Variants in TMC5 observed in about 807,000 individuals in gnomAD.
TMC5 encodes transmembrane channel like 5, also known as transmembrane channel-like protein 5.
A neutral mutation model predicts 110.5 loss-of-function variants in TMC5; 86 were observed. The observed-to-expected ratio is 0.78, with a 90% CI of 0.65 to 0.93. TMC5 has a LOEUF of 0.93. Among genes scored for constraint, TMC5 ranks in the 40% least tolerant of loss-of-function variants. The pLI is 0.00. For synonymous variants in TMC5, 455 were observed against 439.5 expected (o/e 1.04, Z -0.44); for missense variants, 1,144 against 1,222.8 (o/e 0.94, Z 0.96).
chr16:19,448,041 A>C (rs547524845), intron 4 of TMC5, among the ~76,000 whole-genome samples: 1 of 151,288 alleles, frequency 6.6e-6, no homozygotes, highest in Non-Finnish European at 1.5e-5. Context: ...CATTTCTCCC[A>C]GCTAATTGGG....
intron 20 of TMC5, among the ~76,000 whole-genome samples, chr16:19,495,802 G>A (rs144897655): frequency 3.3e-5 from 5 of 151,822 alleles, no homozygotes; most frequent in East Asian, 3.9e-4. Context: ...TCCCATCACC[G>A]CACTCCAGCT....
At chr16:19,439,928 AT>A in intron 2 of TMC5, 31 bp from the exon 3 acceptor site, 3 of 964,084 alleles carry the variant, frequency 3.1e-6, no homozygotes, top group Non-Finnish European at 4.7e-6. Flanking sequence ...AGGGAAAAAA[AT>A]CTGACTTTTT....
intron 19 of TMC5, among the ~76,000 whole-genome samples, chr16:19,493,251 G>A (rs1043815380): frequency 6.6e-6 from 1 of 151,574 alleles, no homozygotes; most frequent in Non-Finnish European, 1.5e-5. Flanking sequence ...GTGAGCCATC[G>A]CCCCCAGCTG....
At chr16:19,419,861 C>G (rs1051885058) in intron 1 of TMC5, among the ~76,000 whole-genome samples, 3 of 152,092 alleles carry the variant, frequency 2.0e-5, no homozygotes, top group African/African-American at 7.2e-5. Flanking sequence ...TTCGGGATGA[C>G]GTGGCAGGAG....
chr16:19,420,513 T>G (rs936192367), intron 1 of TMC5, among the ~76,000 whole-genome samples: 5 of 152,024 alleles, frequency 3.3e-5, no homozygotes, highest in Middle Eastern at 3.4e-3. Context: ...CAGGCTGGAG[T>G]GCAGTGGCAT....
In TMC5 at chr16:19,492,136, TTCTCC is replaced by T. The variant is rs1261623006; in HGVS notation, c.2748-10_2748-6del. The T allele has an allele frequency of 6.2e-7, 1 of 1,601,300 alleles. No homozygotes were observed. The highest frequency in any genetic ancestry group is 1.7e-5 in the Admixed American group (1 of 59,774). Reference sequence around the variant, plus strand: ...ATTTGCAAGAGTGTCATTCTTTCTTTTCTCCTCTTCCAGAATCATCACCTATCTTT... The same window carrying T: ...ATTTGCAAGAGTGTCATTCTTTCTTTTCTTCCAGAATCATCACCTATCTTT... On this transcript the variant is annotated splice_polypyrimidine_tract_variant and intron_variant, in intron 18 of 21. Transcript: ENST00000542583.
At chr16:19,457,049 G>A (rs1321094086) in intron 5 of TMC5, 2 of 1,557,460 alleles carry the variant, frequency 1.3e-6, no homozygotes, top group African/African-American at 1.4e-5. Context: ...AAGTAGGGGA[G>A]TAGGAAAAAA....
chr16:19,424,982 T>C (rs1412990319), intron 1 of TMC5, among the ~76,000 whole-genome samples: 3 of 152,170 alleles, frequency 2.0e-5, no homozygotes, highest in East Asian at 1.9e-4. Context: ...AGCTGCCTCA[T>C]TGGAACAAAA....
intron 3 of TMC5, among the ~76,000 whole-genome samples, chr16:19,441,394 A>G (rs1967488055): frequency 6.6e-6 from 1 of 151,460 alleles, no homozygotes; most frequent in South Asian, 2.1e-4. Context: ...ATCATAGCTC[A>G]CCACAGCCTC....
chr16:19,475,419 C>G (rs1968463106), intron 12 of TMC5, among the ~76,000 whole-genome samples: 1 of 149,266 alleles, frequency 6.7e-6, no homozygotes, highest in Non-Finnish European at 1.5e-5. Flanking sequence ...GAGACTCCAT[C>G]TCAGAAAAAA....
rs566464061 is a variant in TMC5, at chr16:19,456,914, C to T, written c.1049-3321C>T. 8.1e-6 allele frequency: 13 copies of T among 1,614,208 alleles called. No homozygotes were observed. In the East Asian group the frequency reaches 2.7e-4, roughly 33 times the overall value. On this transcript the variant is annotated intron_variant, in intron 5 of 21. Transcript: ENST00000542583. ...GAATGACCAAAAGGGTAACCAGGTG[C>T]TGCGGTTTTCAACATCTTTGAATGA...
chr16:19,456,916 G>A, intron 5 of TMC5: 1 of 1,614,216 alleles, frequency 6.2e-7, no homozygotes, highest in Non-Finnish European at 8.5e-7. Context: ...ACCAGGTGCT[G>A]CGGTTTTCAA....
rs1966940294 is a variant in TMC5 at position 19,419,648 on chromosome 16, G to C, written c.-308+1556G>C. On this transcript the variant is annotated intron_variant, in intron 1 of 21. Transcript: ENST00000542583. Reference sequence around the variant, plus strand: ...AGGATGGTCTGAATCTCCTGACCTCGTGATCCATCCGCCTCGGCCTCCCAA... The same window carrying C: ...AGGATGGTCTGAATCTCCTGACCTCCTGATCCATCCGCCTCGGCCTCCCAA... 2.6e-5 allele frequency among the ~76,000 whole-genome samples: 4 copies of C among 151,944 alleles called. 1 individual carries two copies. In the South Asian group the frequency reaches 8.3e-4, roughly 32 times the overall value.
At chr16:19,464,175 T>A in intron 8 of TMC5, 151 bp downstream of exon 8, 2 of 1,001,602 alleles carry the variant, frequency 2.0e-6, no homozygotes, top group Non-Finnish European at 2.9e-6. Context: ...TGGCTGAGTG[T>A]GGTGACTCAT....
intron 2 of TMC5, among the ~76,000 whole-genome samples, chr16:19,438,050 G>A (rs551049729): frequency 6.5e-4 from 99 of 152,234 alleles, no homozygotes; most frequent in African/African-American, 2.3e-3. Flanking sequence ...GACCAAGAGC[G>A]AGGGAGAGTA....
chr16:19,436,789 C>T (rs1293976709), intron 2 of TMC5, among the ~76,000 whole-genome samples: 2 of 152,146 alleles, frequency 1.3e-5, no homozygotes, highest in African/African-American at 4.8e-5. Flanking sequence ...CATCTGGCTC[C>T]TCTTTCTGTT....
intron 13 of TMC5, among the ~76,000 whole-genome samples, chr16:19,478,344 C>T (rs1968536455): frequency 1.3e-5 from 2 of 152,184 alleles, no homozygotes; most frequent in South Asian, 4.1e-4. Flanking sequence ...TATACTCAAA[C>T]CATCTTACAT....
chr16:19,484,459 C>T (rs1366767314), intron 15 of TMC5, among the ~76,000 whole-genome samples: 1 of 152,150 alleles, frequency 6.6e-6, no homozygotes, highest in African/African-American at 2.4e-5. Flanking sequence ...GATACCTACT[C>T]ACAGGGTTTT....
intron 2 of TMC5, among the ~76,000 whole-genome samples, chr16:19,434,105 T>G (rs1363981494): frequency 8.4e-5 from 2 of 23,838 alleles, no homozygotes; most frequent in African/African-American, 2.8e-4. Context: ...ATAATATATA[T>G]ATTATATATA....
Sources: gnomAD v4.1 joint callset for allele counts (sites outside exome capture counted in the v4.1 genomes callset) on GRCh38, gnomAD v4.1.1 for gene constraint, MANE v1.5 for transcripts, NCBI Gene and HGNC (gene_info 2026-07-23, HGNC 2026-07-21) for gene names.